Variants in CDK5RAP2 observed in about 807,000 individuals in gnomAD.
CDK5RAP2 encodes CDK5 regulatory subunit-associated protein 2.
In CDK5RAP2, 147 loss-of-function variants were observed where a neutral mutation model predicts 232.9. That is an observed-to-expected ratio of 0.63 (90% CI 0.55 to 0.72). CDK5RAP2 has a LOEUF of 0.72. CDK5RAP2 is among the 30% of genes least tolerant of loss of function. The pLI, the probability that CDK5RAP2 is intolerant of heterozygous loss-of-function variation, is 0.00. For synonymous variants in CDK5RAP2, 833 were observed against 833.7 expected, an observed-to-expected ratio of 1.00 and a Z score of 0.01; for missense variants, 2,195 against 2,231.5, an observed-to-expected ratio of 0.98 and a Z score of 0.33.
intron 11 of CDK5RAP2, among the ~76,000 whole-genome samples, chr9:120,520,817 CATAT>C (rs1564332669): frequency 7.3e-6 from 1 of 137,246 alleles, no homozygotes; most frequent in East Asian, 2.1e-4. Flanking sequence ...AGATATATCT[CATAT>C]ATATCTCATA....
At chr9:120,468,130 C>T (rs1564260815) in intron 17 of CDK5RAP2, 133 bp from the exon 18 acceptor site, 6 of 815,610 alleles carry the variant, frequency 7.4e-6, no homozygotes, top group East Asian at 2.5e-5. Flanking sequence ...GATTCTAGCC[C>T]TCAGGATACC....
intron 3 of CDK5RAP2, among the ~76,000 whole-genome samples, chr9:120,564,610 G>T (rs2042582062): frequency 6.6e-6 from 1 of 151,990 alleles, no homozygotes; most frequent in African/African-American, 2.4e-5. Context: ...CCACAGTAAG[G>T]TTATATAAAT....
At chr9:120,401,299 A>G (rs1056495128) in intron 34 of CDK5RAP2, among the ~76,000 whole-genome samples, 14 of 152,118 alleles carry the variant, frequency 9.2e-5, no homozygotes, top group Admixed American at 6.5e-5. Context: ...AGTGAATATG[A>G]TATCAGGGTC....
At chr9:120,486,018 T>G (rs1188749659) in intron 14 of CDK5RAP2, among the ~76,000 whole-genome samples, 1 of 152,252 alleles carries the variant, frequency 6.6e-6, no homozygotes. Context: ...GCTCTGATAC[T>G]GAGCAGATAC....
At chr9:120,432,410 A>C (rs922351656) in intron 25 of CDK5RAP2, among the ~76,000 whole-genome samples, 4 of 152,156 alleles carry the variant, frequency 2.6e-5, no homozygotes, top group African/African-American at 9.7e-5. Flanking sequence ...CACAGTAAAC[A>C]TGTATTGCTT....
chr9:120,555,251 C>T (rs894954552), intron 3 of CDK5RAP2, among the ~76,000 whole-genome samples: 1 of 152,178 alleles, frequency 6.6e-6, no homozygotes, highest in Admixed American at 6.5e-5. Context: ...CTTGCTTCAG[C>T]CTCCTGAGCA....
intron 20 of CDK5RAP2, among the ~76,000 whole-genome samples, chr9:120,457,503 G>A (rs2036846865): frequency 6.6e-6 from 1 of 152,236 alleles, no homozygotes; most frequent in Non-Finnish European, 1.5e-5. Context: ...CACTGACCAT[G>A]TCTTCCAAGA....
intron 26 of CDK5RAP2, among the ~76,000 whole-genome samples, chr9:120,422,055 G>A (rs920471191): frequency 1.3e-5 from 2 of 152,206 alleles, no homozygotes; most frequent in African/African-American, 4.8e-5. Flanking sequence ...AAGGAACTCT[G>A]GGAATAGAAA....
At chr9:120,531,024 A>G (rs1306206132) in intron 7 of CDK5RAP2, among the ~76,000 whole-genome samples, 4 of 152,100 alleles carry the variant, frequency 2.6e-5, no homozygotes, top group African/African-American at 9.7e-5. Context: ...AAAGGAAAAA[A>G]TAAAAAAATA....
chr9:120,551,483 C>T (rs1277539811), intron 3 of CDK5RAP2, among the ~76,000 whole-genome samples: 1 of 152,202 alleles, frequency 6.6e-6, no homozygotes, highest in Non-Finnish European at 1.5e-5. Flanking sequence ...AAGGGATAAA[C>T]TAACATTATT....
intron 14 of CDK5RAP2, among the ~76,000 whole-genome samples, chr9:120,478,559 G>T (rs2038143231): frequency 6.6e-6 from 1 of 152,086 alleles, no homozygotes; most frequent in Non-Finnish European, 1.5e-5. Context: ...ATCACTTGAG[G>T]CCCGGAGTTC....
intron 25 of CDK5RAP2, among the ~76,000 whole-genome samples, chr9:120,432,019 A>G (rs1204626480): frequency 6.6e-6 from 1 of 152,212 alleles, no homozygotes; most frequent in Non-Finnish European, 1.5e-5. Context: ...GAGTCCCCTT[A>G]TAAGCATTAA....
intron 15 of CDK5RAP2, among the ~76,000 whole-genome samples, chr9:120,475,514 A>G (rs1399093314): frequency 2.0e-5 from 3 of 152,040 alleles, no homozygotes; most frequent in Non-Finnish European, 4.4e-5. Flanking sequence ...GAAGCTGCGC[A>G]ATTGAAATGA....
intron 5 of CDK5RAP2, among the ~76,000 whole-genome samples, chr9:120,545,299 G>A (rs1175754408): frequency 6.6e-6 from 1 of 152,192 alleles, no homozygotes; most frequent in African/African-American, 2.4e-5. Flanking sequence ...GAGGAAAGAA[G>A]CCAGACACAA....
At chr9:120,501,925 GA>G (rs2039593843) in intron 12 of CDK5RAP2, among the ~76,000 whole-genome samples, 1 of 152,228 alleles carries the variant, frequency 6.6e-6, no homozygotes, top group African/African-American at 2.4e-5. Flanking sequence ...TTGGATGACT[GA>G]ATAAATTAAG....
intron 3 of CDK5RAP2, among the ~76,000 whole-genome samples, chr9:120,565,511 G>A (rs1268764821): frequency 6.6e-6 from 1 of 151,940 alleles, no homozygotes; most frequent in African/African-American, 2.4e-5. Context: ...AAACAAAGCA[G>A]TGTAACATTC....
intron 14 of CDK5RAP2, among the ~76,000 whole-genome samples, chr9:120,482,793 T>C (rs902734357): frequency 2.6e-5 from 4 of 152,230 alleles, no homozygotes; most frequent in Non-Finnish European, 4.4e-5. Flanking sequence ...AAGAGATTCC[T>C]GGGGATATTT....
chr9:120,470,984 G>A (rs1258218387), intron 16 of CDK5RAP2, among the ~76,000 whole-genome samples: 2 of 152,302 alleles, frequency 1.3e-5, no homozygotes, highest in South Asian at 2.1e-4. Flanking sequence ...AACCCCAGCT[G>A]AGTCTTGGTT....
chr9:120,511,735 C>CTTT lies in CDK5RAP2; in HGVS notation c.1311+6689_1311+6691dup, dbSNP rs747030569. 2.9e-3 allele frequency among the ~76,000 whole-genome samples: 322 copies of CTTT among 110,670 alleles called. 2 individuals are homozygous for CTTT. Among genetic ancestry groups the CTTT allele is most frequent in the African/African-American group, 3.7e-3 (106 of 28,312 alleles). 72.6% of individuals were successfully genotyped at this position (110,670 alleles called of 152,430 possible). A position where few individuals can be genotyped will look rare whatever the true frequency, so the allele number is the denominator to read the frequency against. Reference sequence around the variant, plus strand: ...GCACTGTGAAGGATATCACAACATGCTTTTTTTTTTTTTTTTTTTTTTGAG... The same window carrying CTTT: ...GCACTGTGAAGGATATCACAACATGCTTTTTTTTTTTTTTTTTTTTTTTTTGAG... On this transcript the variant is annotated intron_variant, in intron 12 of 37. Coordinates refer to ENST00000349780, the MANE Select transcript of CDK5RAP2 (RefSeq NM_018249.6).
Sources: allele counts gnomAD v4.1 joint callset (sites outside exome capture counted in the v4.1 genomes callset), GRCh38; gene constraint gnomAD v4.1.1; transcripts MANE v1.5; gene names NCBI Gene and HGNC (gene_info 2026-07-23, HGNC 2026-07-21).